The following ARID4B variants were observed in gnomAD, a reference collection of about 807,000 sequenced individuals.
The protein encoded by ARID4B is AT-rich interaction domain 4B.
In ARID4B, 26 loss-of-function variants were observed where a neutral mutation model predicts 147.5. That is an observed-to-expected ratio of 0.18 (90% CI 0.13 to 0.24). ARID4B has a LOEUF of 0.24. Among genes scored for constraint, ARID4B ranks in the 10% least tolerant of loss-of-function variants. The pLI is 1.00. For missense variants in ARID4B, 1,179 were observed against 1,511.5 expected (o/e 0.78, Z 3.65); for synonymous variants, 512 against 507.9 (o/e 1.01, Z -0.11).
intron 17 of ARID4B, among the ~76,000 whole-genome samples, chr1:235,209,704 C>T (rs146822286): frequency 3.8e-4 from 58 of 151,602 alleles, no homozygotes; most frequent in African/African-American, 1.3e-3. Flanking sequence ...GATCGGATTA[C>T]AGGCACCTGC....
At chr1:235,257,593 T>C (rs559264111) in intron 3 of ARID4B, among the ~76,000 whole-genome samples, 1 of 152,024 alleles carries the variant, frequency 6.6e-6, no homozygotes, top group Non-Finnish European at 1.5e-5. Context: ...GTGATTCTCC[T>C]GCCTCAGTCT....
chr1:235,168,434 T>C lies in ARID4B; in HGVS notation c.*91A>G, dbSNP rs1352205030. 9 of 1,395,308 alleles carry C rather than the reference T, an allele frequency of 6.5e-6. No individual in the cohort carries two copies. Among genetic ancestry groups the C allele is most frequent in the Middle Eastern group, 1.9e-4 (1 of 5,242 alleles). 86.4% of individuals were successfully genotyped at this position (1,395,308 alleles called of 1,614,324 possible). On this transcript the variant is annotated 3_prime_UTR_variant, in exon 24 of 24. Transcript: ENST00000264183. The stretch of plus-strand genomic sequence containing the variant: ...CAATTTTTAAATATAAAATAGTGCT[T>C]GTCTGATATTTTTTTGTGCCACTGT...
At chr1:235,223,776 G>A (rs1667660263) in intron 12 of ARID4B, among the ~76,000 whole-genome samples, 1 of 150,498 alleles carries the variant, frequency 6.6e-6, no homozygotes, top group African/African-American at 2.4e-5. Context: ...GGAGGTAACA[G>A]GGTAGGGGTA....
rs1364512108 is a variant in ARID4B, at chr1:235,242,202, C to T, written c.447-1751G>A. Among the ~76,000 whole-genome samples the T allele has an allele frequency of 2.6e-5, 4 of 151,090 alleles. No individual in the cohort carries two copies. The East Asian group carries it at 5.8e-4, about 22-fold the overall frequency. On this transcript the variant is annotated intron_variant, in intron 7 of 23. Transcript: ENST00000264183. ...GGCGGAGGTTGCAGTGAGCCGATAT[C>T]GCACCACTGCACTCCAGCCTGGGCG...
intron 10 of ARID4B, 150 bp downstream of exon 10, chr1:235,230,963 G>T (rs12753166): frequency 0.33 from 187,547 of 561,232 alleles, 34,235 homozygotes; most frequent in South Asian, 0.52. Context: ...AAGACACATG[G>T]GTTTATAAAA....
At chr1:235,168,764 A>G (rs1663113397) in intron 23 of ARID4B, 112 bp from the exon 24 acceptor site, 3 of 1,134,320 alleles carry the variant, frequency 2.6e-6, no homozygotes, top group Non-Finnish European at 3.7e-6. Context: ...AAAATCATTT[A>G]GCTTACAACA....
chr1:235,169,050 G>C (rs1663133707), intron 23 of ARID4B, among the ~76,000 whole-genome samples: 2 of 152,252 alleles, frequency 1.3e-5, no homozygotes, highest in African/African-American at 4.8e-5. Flanking sequence ...CCATCTTTCT[G>C]TACTTAGGAG....
chr1:235,223,395 A>ATATATATACACACGTATATATATG (rs1558219183), intron 12 of ARID4B, 135 bp from the exon 13 acceptor site: 6 of 189,382 alleles, frequency 3.2e-5, no homozygotes, highest in African/African-American at 1.7e-4. Flanking sequence ...ACGTATATAT[A>ATATATATACACACGTATATATATG]TGTGTGTGTA....
chr1:235,255,110 C>T (rs1388486091), intron 5 of ARID4B, among the ~76,000 whole-genome samples: 10 of 151,702 alleles, frequency 6.6e-5, no homozygotes, highest in African/African-American at 2.2e-4. Flanking sequence ...GACATTCAAT[C>T]CAGCATTTAT....
chr1:235,305,812 T>C (rs1673501138), intron 2 of ARID4B, among the ~76,000 whole-genome samples: 1 of 151,978 alleles, frequency 6.6e-6, no homozygotes, highest in Non-Finnish European at 1.5e-5. Context: ...AGTTAAAAAT[T>C]CGCCAGGCAT....
chr1:235,275,822 T>C (rs184060580), intron 2 of ARID4B, among the ~76,000 whole-genome samples: 305 of 152,328 alleles, frequency 2.0e-3, no homozygotes, highest in African/African-American at 6.9e-3. Flanking sequence ...TTTACATTTT[T>C]AAGCTAAACT....
intron 2 of ARID4B, among the ~76,000 whole-genome samples, chr1:235,306,860 G>A (rs1673609693): frequency 6.6e-6 from 1 of 152,056 alleles, no homozygotes; most frequent in Non-Finnish European, 1.5e-5. Flanking sequence ...GTTTCGCGAT[G>A]TTGGCCGGGC....
intron 9 of ARID4B, among the ~76,000 whole-genome samples, chr1:235,233,484 C>T (rs543685716): frequency 2.0e-5 from 3 of 152,030 alleles, no homozygotes; most frequent in South Asian, 4.2e-4. Flanking sequence ...ATACCTTTCC[C>T]GAACTTGAAA....
In ARID4B at chr1:235,234,412, C is replaced by T; in HGVS notation, c.665+1G>A. 1 of 1,581,198 alleles carries T rather than the reference C, an allele frequency of 6.3e-7. No individual in the cohort carries two copies. Among genetic ancestry groups the T allele is most frequent in the Non-Finnish European group, 8.7e-7 (1 of 1,153,490 alleles). On this transcript the variant is annotated splice_donor_variant, in intron 9 of 23. Coordinates refer to ENST00000264183, the MANE Select transcript of ARID4B (RefSeq NM_016374.6). LOFTEE classifies it high-confidence loss of function. Reference sequence around the variant, plus strand: ...TTTCAAACCAAGTAAATTATACTTACAATTTTCCATCTTTGAAAGATCGAA... The same window carrying T: ...TTTCAAACCAAGTAAATTATACTTATAATTTTCCATCTTTGAAAGATCGAA...
intron 19 of ARID4B, among the ~76,000 whole-genome samples, chr1:235,184,330 C>G (rs1664524162): frequency 6.6e-6 from 1 of 151,926 alleles, no homozygotes; most frequent in Non-Finnish European, 1.5e-5. Flanking sequence ...ATTCAATCCT[C>G]AGAACAATGC....
rs557479460 is a variant in ARID4B, at chr1:235,200,753, C to T, written c.1842-4638G>A. Among the ~76,000 whole-genome samples the T allele has an allele frequency of 2.6e-5, 4 of 152,248 alleles. No individual in the cohort carries two copies. The East Asian group carries it at 7.7e-4, about 29-fold the overall frequency. ...TTTAGTATATATTAAAAAGAGACAACACCAAATTTACCTTAGACATAATAG... is the reference window on the plus strand; with the variant it reads ...TTTAGTATATATTAAAAAGAGACAATACCAAATTTACCTTAGACATAATAG... On this transcript the variant is annotated intron_variant, in intron 17 of 23. Transcript: ENST00000264183.
intron 20 of ARID4B, among the ~76,000 whole-genome samples, chr1:235,179,713 T>TG (rs1018459718): frequency 6.6e-6 from 1 of 151,956 alleles, no homozygotes; most frequent in African/African-American, 2.4e-5. Flanking sequence ...CCTCTTTTTT[T>TG]TTGTTGTTAA....
At chr1:235,279,052 C>T (rs1671507894) in intron 2 of ARID4B, among the ~76,000 whole-genome samples, 1 of 152,106 alleles carries the variant, frequency 6.6e-6, no homozygotes, top group South Asian at 2.1e-4. Context: ...GCTGGGATTA[C>T]AGCAAAGTGC....
chr1:235,193,169 G>A (rs1006195485), intron 19 of ARID4B, among the ~76,000 whole-genome samples: 4 of 152,024 alleles, frequency 2.6e-5, no homozygotes, highest in African/African-American at 2.4e-5. Flanking sequence ...GGCTAAGACA[G>A]GCCAATTGCT....
Sources: gnomAD v4.1 joint callset for allele counts (sites outside exome capture counted in the v4.1 genomes callset) on GRCh38, gnomAD v4.1.1 for gene constraint, MANE v1.5 for transcripts, NCBI Gene and HGNC (gene_info 2026-07-23, HGNC 2026-07-21) for gene names.